The following CTDSPL variants were observed in gnomAD, a reference collection of about 807,000 sequenced individuals.
The protein encoded by CTDSPL is CTD small phosphatase like.
Under a neutral mutation model 30.5 loss-of-function variants are expected in CTDSPL, and 8 were observed. The observed-to-expected ratio is 0.26, with a 90% confidence interval of 0.15 to 0.47. CTDSPL has a LOEUF of 0.47. CTDSPL is among the 20% of genes least tolerant of loss of function. CTDSPL has a pLI of 0.99. For synonymous variants in CTDSPL, 110 were observed against 137.9 expected (o/e 0.80, Z 1.42); for missense variants, 248 against 366.1 (o/e 0.68, Z 2.63).
At chr3:37,960,437 G>C (rs556519867) in intron 3 of CTDSPL, among the ~76,000 whole-genome samples, 88 of 103,532 alleles carry the variant, frequency 8.5e-4, no homozygotes, top group African/African-American at 3.1e-3. Context: ...CTGAGATCAT[G>C]CCATTGCACT....
In CTDSPL at chr3:37,957,124, A is replaced by AG. The variant is rs1174245665; in HGVS notation, c.250dup (p.Val84GlyfsTer10). 2 of 1,600,064 alleles carry AG rather than the reference A, an allele frequency of 1.2e-6. No individual in the cohort carries two copies. Among genetic ancestry groups the AG allele is most frequent in the Admixed American group, 3.4e-5 (2 of 58,752 alleles). ...CTTTTTCCTCAGGGTGACCAGAGGC[A>AG]GGTCATTCCCATACCAAGTGTATGT... On this transcript the variant is annotated frameshift_variant, in exon 3 of 8. Transcript: ENST00000273179. LOFTEE classifies it high-confidence loss of function.
At chr3:37,868,547 A>T (rs186557762) in intron 1 of CTDSPL, among the ~76,000 whole-genome samples, 1 of 152,150 alleles carries the variant, frequency 6.6e-6, no homozygotes, top group African/African-American at 2.4e-5. Flanking sequence ...TTTACATTAA[A>T]TTTAAGTTCA....
chr3:37,966,971 G>T (rs1017722130), intron 4 of CTDSPL, among the ~76,000 whole-genome samples: 10 of 152,208 alleles, frequency 6.6e-5, no homozygotes, highest in Non-Finnish European at 1.5e-5. Context: ...ATTGAGAACT[G>T]TGTGTAAGTT....
chr3:37,964,719 C>A, intron 4 of CTDSPL, 47 bp downstream of exon 4: 1 of 1,415,438 alleles, frequency 7.1e-7, no homozygotes, highest in Non-Finnish European at 1.0e-6. Context: ...GATTTGATAA[C>A]AATTGTATTG....
intron 1 of CTDSPL, among the ~76,000 whole-genome samples, chr3:37,925,840 GACAC>G (rs143893590): frequency 3.5e-4 from 51 of 147,678 alleles, no homozygotes; most frequent in Middle Eastern, 3.5e-3. Flanking sequence ...AGTACACACA[GACAC>G]ACACACACAC....
chr3:37,892,298 TC>T (rs965622067), intron 1 of CTDSPL, among the ~76,000 whole-genome samples: 5 of 152,210 alleles, frequency 3.3e-5, no homozygotes, highest in African/African-American at 1.2e-4. Flanking sequence ...CTCACAGTGT[TC>T]CTATTAAAAA....
intron 1 of CTDSPL, among the ~76,000 whole-genome samples, chr3:37,934,169 T>A (rs949435250): frequency 6.6e-6 from 1 of 151,230 alleles, no homozygotes; most frequent in Admixed American, 6.6e-5. Flanking sequence ...AAAAAAAAAA[T>A]TCAAAATATT....
At position 37,968,343 on chromosome 3, in the gene CTDSPL, A is replaced by T. The variant is rs201166013; in HGVS notation, c.426+461A>T. The stretch of plus-strand genomic sequence containing the variant: ...GCATCGTTTTCTCCAGAGAATCTTT[A>T]GCAAATACCCACCCCAAAAGAAAAA... On this transcript the variant is annotated intron_variant, in intron 5 of 7. Coordinates refer to ENST00000273179, the MANE Select transcript of CTDSPL (RefSeq NM_001008392.2). The T allele has an allele frequency of 2.6e-4, 106 of 414,764 alleles. 1 individual carries two copies. The highest frequency in any genetic ancestry group is 1.4e-3 in the Middle Eastern group (4 of 2,932). The allele number at this position is 414,764 out of a possible 1,614,324, so 25.7% of individuals were successfully genotyped here. A position where few individuals can be genotyped will look rare whatever the true frequency, so the allele number is the denominator to read the frequency against.
chr3:37,964,877 A>G (rs1447309766), intron 4 of CTDSPL, among the ~76,000 whole-genome samples: 2 of 152,216 alleles, frequency 1.3e-5, no homozygotes, highest in Non-Finnish European at 2.9e-5. Flanking sequence ...GAAAGAAAAC[A>G]CTAAGCTACC....
chr3:37,934,141 T>C (rs1439117293), intron 1 of CTDSPL, among the ~76,000 whole-genome samples: 1 of 151,868 alleles, frequency 6.6e-6, no homozygotes, highest in East Asian at 1.9e-4. Flanking sequence ...GGGCAACATA[T>C]GGAAACCCTC....
chr3:37,981,943 T>C lies in CTDSPL; in HGVS notation c.*1076T>C, dbSNP rs1005312419. ...CACTGTGCCTATGCTCAGAATATGC[T>C]CACTGCTAAGCTACAAACTCGGACA... is the stretch of plus-strand genomic sequence containing the variant. On this transcript the variant is annotated 3_prime_UTR_variant, in exon 8 of 8. Transcript: ENST00000273179. 1.3e-5 allele frequency: 6 copies of C among 455,968 alleles called. No individual in the cohort carries two copies. The highest frequency in any genetic ancestry group is 7.8e-5 in the South Asian group (5 of 64,466). 28.2% of individuals were successfully genotyped at this position (455,968 alleles called of 1,614,324 possible). A position where few individuals can be genotyped will look rare whatever the true frequency, so the allele number is the denominator to read the frequency against.
At chr3:37,973,357 G>A (rs1348426248) in intron 6 of CTDSPL, among the ~76,000 whole-genome samples, 1 of 152,260 alleles carries the variant, frequency 6.6e-6, no homozygotes, top group East Asian at 1.9e-4. Context: ...TTTTGTTTGG[G>A]AAAATTGAGA....
intron 1 of CTDSPL, among the ~76,000 whole-genome samples, chr3:37,877,223 C>A (rs1698145823): frequency 6.6e-6 from 1 of 152,124 alleles, no homozygotes; most frequent in Non-Finnish European, 1.5e-5. Context: ...GAACTCTTTT[C>A]ATATTGCAAA....
chr3:37,906,915 A>G (rs924314226), intron 1 of CTDSPL, among the ~76,000 whole-genome samples: 4 of 151,780 alleles, frequency 2.6e-5, no homozygotes, highest in African/African-American at 9.7e-5. Context: ...ATGAGGTACA[A>G]ACGAAGGCGT....
At chr3:37,932,645 G>A (rs1260401134) in intron 1 of CTDSPL, among the ~76,000 whole-genome samples, 2 of 152,216 alleles carry the variant, frequency 1.3e-5, no homozygotes, top group African/African-American at 4.8e-5. Flanking sequence ...TTTCAGACTG[G>A]CAAAGGCCAT....
chr3:37,972,568 AC>A (rs371471276), intron 6 of CTDSPL, among the ~76,000 whole-genome samples: 1 of 150,740 alleles, frequency 6.6e-6, no homozygotes, highest in East Asian at 2.0e-4. Flanking sequence ...TATGAATCTG[AC>A]CTAAAATCTA....
intron 2 of CTDSPL, among the ~76,000 whole-genome samples, chr3:37,955,823 T>C (rs1476814433): frequency 1.3e-5 from 2 of 149,344 alleles, no homozygotes; most frequent in Non-Finnish European, 2.9e-5. Flanking sequence ...AACCTGCACA[T>C]GTACCCCTGA....
chr3:37,905,237 G>C (rs894969739), intron 1 of CTDSPL, among the ~76,000 whole-genome samples: 1 of 152,226 alleles, frequency 6.6e-6, no homozygotes, highest in South Asian at 2.1e-4. Flanking sequence ...ATACAAGCCT[G>C]TTATCCAAAG....
rs190686835 is a variant in CTDSPL, at chr3:37,895,017, G to A, written c.79+32739G>A. ...AAAAATCTTATCTGCTAATTGCACC[G>A]TCTAGGTTATCTTGGATTCTCTATT... On this transcript the variant is annotated intron_variant, in intron 1 of 7. Transcript: ENST00000273179. Among the ~76,000 whole-genome samples, 174 of 152,186 alleles carry A rather than the reference G, an allele frequency of 1.1e-3. 1 individual carries two copies. Among genetic ancestry groups the A allele is most frequent in the Non-Finnish European group, 2.0e-3 (138 of 68,012 alleles).
Sources: gnomAD v4.1 joint callset for allele counts (sites outside exome capture counted in the v4.1 genomes callset) on GRCh38, gnomAD v4.1.1 for gene constraint, MANE v1.5 for transcripts, NCBI Gene and HGNC (gene_info 2026-07-23, HGNC 2026-07-21) for gene names.